Variants in TGFBI observed in about 807,000 individuals in gnomAD.
TGFBI encodes transforming growth factor beta induced.
In TGFBI, 50 loss-of-function variants were observed where a neutral mutation model predicts 73.7. The observed-to-expected ratio is 0.68, with a 90% confidence interval of 0.54 to 0.86. TGFBI has a LOEUF of 0.86. Among genes scored for constraint, TGFBI ranks in the 40% least tolerant of loss-of-function variants. The probability of loss-of-function intolerance (pLI) is 0.00; values close to 1 mark genes in which losing one functional copy is unlikely to be tolerated. For synonymous variants in TGFBI, 362 were observed against 360.5 expected, an observed-to-expected ratio of 1.00 and a Z score of -0.05; for missense variants, 839 against 877.0, an observed-to-expected ratio of 0.96 and a Z score of 0.55.
At chr5:136,034,076 C>T (rs1751172605) in intron 2 of TGFBI, among the ~76,000 whole-genome samples, 1 of 152,090 alleles carries the variant, frequency 6.6e-6, no homozygotes, top group Non-Finnish European at 1.5e-5. Flanking sequence ...GACTTGGAGA[C>T]ATTTTTCAGG....
At chr5:136,058,055 T>C (rs1157892690) in intron 12 of TGFBI, among the ~76,000 whole-genome samples, 1 of 151,878 alleles carries the variant, frequency 6.6e-6, no homozygotes, top group African/African-American at 2.4e-5. Flanking sequence ...GTGTTAGAGG[T>C]TGGTACAGGT....
intron 2 of TGFBI, among the ~76,000 whole-genome samples, chr5:136,039,085 G>GC (rs1751283782): frequency 6.6e-6 from 1 of 152,084 alleles, no homozygotes; most frequent in South Asian, 2.1e-4. Context: ...TCTCATGTAG[G>GC]GTATTGCTTT....
At position 136,061,500 on chromosome 5, in the gene TGFBI, C is replaced by T. The variant is rs749505741; in HGVS notation, c.1907C>T (p.Ala636Val). ...HVITNVLQPP[A>V]NRPQERGDEL... ...AACCTGCCTTTTCTTTCCTCTTCAG[C>T]CAACAGACCTCAGGAAAGAGGGGAT... The change falls in exon 15 of 17, where the codon GCC becomes GTC. Residue 636 changes from alanine to valine, a missense_variant and splice_region_variant. Coordinates refer to ENST00000442011, the MANE Select transcript of TGFBI (RefSeq NM_000358.3). 2.5e-6 allele frequency: 4 copies of T among 1,602,290 alleles called. No individual in the cohort carries two copies. Among genetic ancestry groups the T allele is most frequent in the Admixed American group, 1.7e-5 (1 of 58,320 alleles).
rs1398512289 is a variant in TGFBI at position 136,047,490 on chromosome 5, C to T, written c.771+70C>T. On this transcript the variant is annotated intron_variant, in intron 6 of 16. Coordinates refer to ENST00000442011, the MANE Select transcript of TGFBI (RefSeq NM_000358.3). ...CCTCCCAAGAGGGGCCTAGCAGGAACTCTTCTGCAGGAGAGGTAGAGGATG... is the reference window on the plus strand; with the variant it reads ...CCTCCCAAGAGGGGCCTAGCAGGAATTCTTCTGCAGGAGAGGTAGAGGATG... The T allele has an allele frequency of 3.8e-6, 6 of 1,586,412 alleles. No homozygotes were observed. In the Admixed American group the frequency reaches 5.1e-5, roughly 13 times the overall value.
At chr5:136,038,626 C>T (rs10053962) in intron 2 of TGFBI, among the ~76,000 whole-genome samples, 32,430 of 150,992 alleles carry the variant, frequency 0.21, 3,584 homozygotes, top group African/African-American at 0.28. Context: ...GAGGCTGAGG[C>T]GGGAGAATTG....
chr5:136,049,321 T>A, intron 6 of TGFBI, 118 bp from the exon 7 acceptor site: 1 of 1,379,600 alleles, frequency 7.2e-7, no homozygotes, highest in Non-Finnish European at 9.7e-7. Context: ...TCTGTTTTCG[T>A]CTTGGGCTTC....
In TGFBI at chr5:136,036,316, A is replaced by G. The variant is rs565098456; in HGVS notation, c.233+2455A>G. 2.6e-4 allele frequency among the ~76,000 whole-genome samples: 40 copies of G among 152,352 alleles called. No individual in the cohort carries two copies. In the South Asian group the frequency reaches 8.3e-3, roughly 32 times the overall value. ...TCTCACAAAGCCAGAAGGATATGACATTTACATTCAACTCTTGAATTTGTG... is the reference window on the plus strand; with the variant it reads ...TCTCACAAAGCCAGAAGGATATGACGTTTACATTCAACTCTTGAATTTGTG... On this transcript the variant is annotated intron_variant, in intron 2 of 16. Transcript: ENST00000442011.
chr5:136,047,499 A>C, intron 6 of TGFBI, 79 bp downstream of exon 6: 1 of 1,563,484 alleles, frequency 6.4e-7, no homozygotes, highest in Non-Finnish European at 8.7e-7. Context: ...ACTCTTCTGC[A>C]GGAGAGGTAG....
chr5:136,046,943 G>C lies in TGFBI; in HGVS notation c.552G>C (p.Glu184Asp), dbSNP rs760380062. The C allele has an allele frequency of 1.2e-6, 2 of 1,613,766 alleles. No homozygotes were observed. Among genetic ancestry groups the C allele is most frequent in the Non-Finnish European group, 1.7e-6 (2 of 1,179,858 alleles). ...HMVGRRVLTD[E>D]LKHGMTLTSM... ...TGGGCAGGCGAGTCCTGACTGATGA[G>C]CTGAAACACGGCATGACCCTCACCT... is the stretch of plus-strand genomic sequence containing the variant. The change falls in exon 5 of 17, where the codon GAG (glutamate) becomes GAC (aspartate). Residue 184 changes from glutamate to aspartate, a missense_variant. Glu to Asp is a conservative substitution (Grantham distance 45, BLOSUM62 2). Transcript: ENST00000442011.
intron 2 of TGFBI, among the ~76,000 whole-genome samples, chr5:136,035,531 A>G (rs1345589892): frequency 6.6e-6 from 1 of 150,702 alleles, no homozygotes; most frequent in East Asian, 2.0e-4. Flanking sequence ...AGGCTGAGGC[A>G]GGAGAATGGC....
intron 8 of TGFBI, 50 bp from the exon 9 acceptor site, chr5:136,053,893 A>C (rs368674440): frequency 6.2e-7 from 1 of 1,607,276 alleles, no homozygotes; most frequent in Non-Finnish European, 8.5e-7. Flanking sequence ...ATGAATGATA[A>C]ATGAAAACAG....
intron 14 of TGFBI, 134 bp downstream of exon 14, chr5:136,061,070 C>A: frequency 1.5e-6 from 1 of 677,818 alleles, no homozygotes; most frequent in Non-Finnish European, 2.4e-6. Context: ...GCCTATGTGA[C>A]TGATTGCAGA....
intron 10 of TGFBI, chr5:136,055,410 A>G (rs562653515): frequency 4.2e-5 from 15 of 354,676 alleles, no homozygotes; most frequent in African/African-American, 2.9e-4. Context: ...CAACATTGTC[A>G]ATGGACCTCA....
chr5:136,058,784 T>G (rs1751695041), intron 12 of TGFBI: 4 of 261,606 alleles, frequency 1.5e-5, no homozygotes, highest in Non-Finnish European at 2.9e-5. Flanking sequence ...CACAGAGGAG[T>G]ATGGATTAAC....
At chr5:136,062,387 T>C (rs537183330) in intron 15 of TGFBI, among the ~76,000 whole-genome samples, 27 of 152,042 alleles carry the variant, frequency 1.8e-4, no homozygotes, top group African/African-American at 6.5e-4. Flanking sequence ...CAGCCCCAGC[T>C]CCCTCAACTC....
intron 1 of TGFBI, among the ~76,000 whole-genome samples, chr5:136,032,649 G>A (rs1453257660): frequency 6.6e-6 from 1 of 152,208 alleles, no homozygotes; most frequent in Non-Finnish European, 1.5e-5. Flanking sequence ...AAAGCCCTCA[G>A]TATTGTTTGT....
chr5:136,052,077 G>GA (rs1751546931), intron 7 of TGFBI, among the ~76,000 whole-genome samples: 1 of 152,224 alleles, frequency 6.6e-6, no homozygotes, highest in African/African-American at 2.4e-5. Flanking sequence ...GGTTGGGGGG[G>GA]GCTCCTCCTC....
chr5:136,047,688 T>G (rs2073509), intron 6 of TGFBI: 145,073 of 448,016 alleles, frequency 0.32, 25,661 homozygotes, highest in African/African-American at 0.57. Flanking sequence ...AGCAGCACAG[T>G]GTCCTCTGAG....
In TGFBI at chr5:136,046,329, C is replaced by CT; in HGVS notation, c.299-5dup. The CT allele has an allele frequency of 6.2e-7, 1 of 1,613,902 alleles. No individual in the cohort carries two copies. Among genetic ancestry groups the CT allele is most frequent in the Non-Finnish European group, 8.5e-7 (1 of 1,179,834 alleles). ...CCATCCCTCCTTCTGTCTTCTGCTC[C>CT]TGCAGCCCTACCACTCTCAAACCTT... On this transcript the variant is annotated splice_polypyrimidine_tract_variant and splice_region_variant and intron_variant, in intron 3 of 16. Transcript: ENST00000442011.
Sources: gnomAD v4.1 joint callset for allele counts (sites outside exome capture counted in the v4.1 genomes callset) on GRCh38, gnomAD v4.1.1 for gene constraint, MANE v1.5 for transcripts, NCBI Gene and HGNC (gene_info 2026-07-23, HGNC 2026-07-21) for gene names.